The following MBNL2 variants were observed in gnomAD, a reference collection of about 807,000 sequenced individuals.
MBNL2 encodes the protein muscleblind-like protein 2.
In MBNL2, 17 loss-of-function variants were observed where a neutral mutation model predicts 41.9. The ratio of observed to expected loss-of-function variants is 0.41; its 90% CI spans 0.28 to 0.61. The LOEUF (loss-of-function observed/expected upper bound fraction) is 0.61. MBNL2 is among the 20% of genes least tolerant of loss of function. The pLI is 0.35. For synonymous variants in MBNL2, 195 were observed against 182.9 expected, an observed-to-expected ratio of 1.07 and a Z score of -0.53; for missense variants, 336 against 505.6, an observed-to-expected ratio of 0.66 and a Z score of 3.22.
intron 1 of MBNL2, among the ~76,000 whole-genome samples, chr13:97,271,183 C>T (rs546467060): frequency 1.4e-5 from 2 of 147,662 alleles, no homozygotes; most frequent in South Asian, 4.3e-4. Context: ...TGCAGTGGCG[C>T]GAGCTCACTG....
the MBNL2 span, among the ~76,000 whole-genome samples, chr13:97,171,450 A>C: frequency 7.9e-5 from 12 of 152,188 alleles, no homozygotes; most frequent in African/African-American, 2.9e-4. Flanking sequence ...AGTTTTGCAA[A>C]ATCATTAGAG....
At chr13:97,155,459 A>G in the MBNL2 span, among the ~76,000 whole-genome samples, 2 of 148,990 alleles carry the variant, frequency 1.3e-5, no homozygotes, top group African/African-American at 2.5e-5. Flanking sequence ...GGTTAGTTAC[A>G]TACGTATACA....
intron 2 of MBNL2, among the ~76,000 whole-genome samples, chr13:97,289,164 G>T (rs2055286383): frequency 6.6e-6 from 1 of 151,992 alleles, no homozygotes; most frequent in South Asian, 2.1e-4. Flanking sequence ...ACTGAATACT[G>T]ATGTGGGTGC....
chr13:97,155,687 G>T, the MBNL2 span, among the ~76,000 whole-genome samples: 115,590 of 151,040 alleles, frequency 0.77, 44,419 homozygotes, highest in African/African-American at 0.83. Context: ...GAGAATGATG[G>T]TTTCCAATTT....
chr13:97,239,206 A>T (rs1173092336), intron 1 of MBNL2, among the ~76,000 whole-genome samples: 1 of 152,228 alleles, frequency 6.6e-6, no homozygotes, highest in African/African-American at 2.4e-5. Context: ...TTCCCTTCAT[A>T]CTACAGGGTA....
chr13:97,164,474 C>G, the MBNL2 span, among the ~76,000 whole-genome samples: 1 of 152,126 alleles, frequency 6.6e-6, no homozygotes, highest in African/African-American at 2.4e-5. Context: ...ATGAATAAAT[C>G]AATCAATGAA....
chr13:97,220,868 A>G (rs1328987397), upstream of MBNL2, among the ~76,000 whole-genome samples: 4 of 152,216 alleles, frequency 2.6e-5, no homozygotes, highest in African/African-American at 9.6e-5. Context: ...GGAGAATCAC[A>G]AATCTGTTTA....
At chr13:97,175,702 G>A in the MBNL2 span, among the ~76,000 whole-genome samples, 1 of 152,282 alleles carries the variant, frequency 6.6e-6, no homozygotes, top group Non-Finnish European at 1.5e-5. Context: ...TTGCCACCCT[G>A]CAAAAGGGTG....
chr13:97,340,774 A>G (rs1328159941), intron 3 of MBNL2, among the ~76,000 whole-genome samples: 1 of 152,214 alleles, frequency 6.6e-6, no homozygotes, highest in Non-Finnish European at 1.5e-5. Flanking sequence ...TGTTATTGCC[A>G]TCATCAATAA....
intron 1 of MBNL2, among the ~76,000 whole-genome samples, chr13:97,235,878 G>GAA (rs150566645): frequency 1.4e-5 from 2 of 141,172 alleles, no homozygotes; most frequent in African/African-American, 5.2e-5. Flanking sequence ...GTTACAAACA[G>GAA]AAAAAAAAAA....
the MBNL2 span, among the ~76,000 whole-genome samples, chr13:97,193,408 G>A: frequency 6.6e-6 from 1 of 152,200 alleles, no homozygotes; most frequent in African/African-American, 2.4e-5. Context: ...TAGACACTGG[G>A]CTGGACTTGG....
intron 2 of MBNL2, among the ~76,000 whole-genome samples, chr13:97,290,299 T>C (rs1250901752): frequency 6.6e-6 from 1 of 150,882 alleles, no homozygotes; most frequent in Admixed American, 6.6e-5. Flanking sequence ...CCGCTGGAAA[T>C]ACAGCATGTT....
chr13:97,168,935 G>T, the MBNL2 span, among the ~76,000 whole-genome samples: 1 of 152,128 alleles, frequency 6.6e-6, no homozygotes, highest in African/African-American at 2.4e-5. Context: ...TACATAGGAG[G>T]TATCTGAAAT....
chr13:97,372,032 G>T (rs2064433684), intron 8 of MBNL2, among the ~76,000 whole-genome samples: 4 of 152,154 alleles, frequency 2.6e-5, no homozygotes, highest in Admixed American at 2.6e-4. Context: ...AAAGGAAAGA[G>T]TCCCCTCAGG....
chr13:97,359,272 TAAAAAA>T (rs113380350), intron 7 of MBNL2, among the ~76,000 whole-genome samples: 2 of 138,736 alleles, frequency 1.4e-5, no homozygotes, highest in East Asian at 4.1e-4. Context: ...TATTTTAAGA[TAAAAAA>T]AAAAAAATTA....
intron 2 of MBNL2, among the ~76,000 whole-genome samples, chr13:97,280,760 G>T (rs1279150395): frequency 6.6e-6 from 1 of 152,192 alleles, no homozygotes; most frequent in Non-Finnish European, 1.5e-5. Flanking sequence ...TTTGCCTTAG[G>T]GCATCTGCAC....
At chr13:97,389,330 T>G (rs535850220) in intron 8 of MBNL2, among the ~76,000 whole-genome samples, 1 of 152,344 alleles carries the variant, frequency 6.6e-6, no homozygotes, top group Admixed American at 6.5e-5. Context: ...TGGTTAGGAA[T>G]TTCATTCTTT....
At chr13:97,144,885 C>A in the MBNL2 span, among the ~76,000 whole-genome samples, 1 of 152,262 alleles carries the variant, frequency 6.6e-6, no homozygotes, top group South Asian at 2.1e-4. Flanking sequence ...TTCGGAAGGA[C>A]CCTGACATAG....
intron 8 of MBNL2, among the ~76,000 whole-genome samples, chr13:97,372,185 G>T (rs1245852122): frequency 1.3e-5 from 2 of 152,164 alleles, no homozygotes; most frequent in African/African-American, 2.4e-5. Context: ...TCTTTTTACG[G>T]AGCATCACAA....
Sources: allele counts gnomAD v4.1 joint callset (sites outside exome capture counted in the v4.1 genomes callset), GRCh38; gene constraint gnomAD v4.1.1; transcripts MANE v1.5; gene names NCBI Gene and HGNC (gene_info 2026-07-23, HGNC 2026-07-21).